The following BAZ2B variants were observed in gnomAD, a reference collection of about 807,000 sequenced individuals.
BAZ2B encodes bromodomain adjacent to zinc finger domain 2B.
BAZ2B carries 91 observed loss-of-function variants against 246.0 expected under a neutral mutation model. The observed-to-expected ratio is 0.37, with a 90% CI of 0.31 to 0.44. The LOEUF (loss-of-function observed/expected upper bound fraction) is 0.44, where lower values mean the gene tolerates loss of function less well. BAZ2B is among the 20% of genes least tolerant of loss of function. The pLI is 1.00. For missense variants in BAZ2B, 2,332 were observed against 2,533.7 expected (o/e 0.92, Z 1.71); for synonymous variants, 855 against 860.0 (o/e 0.99, Z 0.10).
At chr2:159,614,408 T>C (rs957823110) in intron 1 of BAZ2B, among the ~76,000 whole-genome samples, 3 of 152,198 alleles carry the variant, frequency 2.0e-5, no homozygotes, top group African/African-American at 7.2e-5. Flanking sequence ...GTATCCATTA[T>C]CTTAAGGTAT....
intron 2 of BAZ2B, among the ~76,000 whole-genome samples, chr2:159,509,783 ATGTATATATGTACATT>A (rs1354265436): frequency 1.3e-5 from 2 of 151,388 alleles, no homozygotes; most frequent in Middle Eastern, 3.2e-3. Context: ...GTACAAACAT[ATGTATATATGTACATT>A]TGTATATATG....
chr2:159,646,991 C>A, the BAZ2B span, among the ~76,000 whole-genome samples: 1 of 152,002 alleles, frequency 6.6e-6, no homozygotes, highest in Non-Finnish European at 1.5e-5. Flanking sequence ...TCCCTCTGAG[C>A]CCTCACCACA....
the BAZ2B span, among the ~76,000 whole-genome samples, chr2:159,629,065 AT>A: frequency 6.6e-6 from 1 of 152,234 alleles, no homozygotes; most frequent in Non-Finnish European, 1.5e-5. Flanking sequence ...AAACAAACAT[AT>A]GAAAAAAAGC....
In BAZ2B at chr2:159,383,467, T is replaced by C; in HGVS notation, c.3761+139A>G. The C allele has an allele frequency of 4.0e-6, 3 of 754,048 alleles. No homozygotes were observed. In the South Asian group the frequency reaches 5.2e-5, roughly 13 times the overall value. 46.7% of individuals were successfully genotyped at this position (754,048 alleles called of 1,614,324 possible). The stretch of plus-strand genomic sequence containing the variant: ...AAATTCTGCCCCTGAGTTTTATTAA[T>C]TTTATATCCCATCTAAATTGAGCAT... On this transcript the variant is annotated intron_variant, in intron 24 of 36. Transcript: ENST00000392783.
At chr2:159,469,591 A>G (rs1037271262) in intron 3 of BAZ2B, among the ~76,000 whole-genome samples, 4 of 152,006 alleles carry the variant, frequency 2.6e-5, no homozygotes, top group Admixed American at 2.0e-4. Context: ...GCCCGCCACC[A>G]TGCCTGGCTA....
At chr2:159,481,218 T>G (rs1036520154) in intron 2 of BAZ2B, among the ~76,000 whole-genome samples, 27 of 152,114 alleles carry the variant, frequency 1.8e-4, no homozygotes, top group African/African-American at 6.0e-4. Context: ...TCATCCCCTC[T>G]AAAGCACAAG....
chr2:159,524,266 A>T (rs1445866826), intron 2 of BAZ2B, among the ~76,000 whole-genome samples: 6 of 152,104 alleles, frequency 3.9e-5, no homozygotes, highest in South Asian at 4.1e-4. Flanking sequence ...CAAAAATTTT[A>T]AAAAATTAGC....
intron 1 of BAZ2B, among the ~76,000 whole-genome samples, chr2:159,579,491 G>A (rs955146911): frequency 6.6e-6 from 1 of 152,162 alleles, no homozygotes; most frequent in Admixed American, 6.5e-5. Flanking sequence ...AATTCTACCA[G>A]CGGTACAAAG....
chr2:159,578,007 A>G (rs538553403), intron 1 of BAZ2B, among the ~76,000 whole-genome samples: 5 of 152,218 alleles, frequency 3.3e-5, no homozygotes, highest in Non-Finnish European at 7.3e-5. Context: ...CTACCAAGAT[A>G]TCACCTGCTG....
chr2:159,490,022 T>C (rs2080268224), intron 2 of BAZ2B, among the ~76,000 whole-genome samples: 1 of 152,204 alleles, frequency 6.6e-6, no homozygotes. Context: ...GGAATTACAT[T>C]ATATTGGTTT....
chr2:159,391,411 G>A (rs77057867), intron 20 of BAZ2B, among the ~76,000 whole-genome samples: 9,332 of 152,156 alleles, frequency 0.061, 403 homozygotes, highest in Middle Eastern at 0.15. Context: ...TATTGTCATC[G>A]TTAAGTGACA....
chr2:159,365,301 G>T (rs528264043), intron 27 of BAZ2B, among the ~76,000 whole-genome samples: 2 of 152,210 alleles, frequency 1.3e-5, no homozygotes, highest in South Asian at 4.2e-4. Context: ...TTTTAACAAT[G>T]ACTTCTATAA....
intron 2 of BAZ2B, among the ~76,000 whole-genome samples, chr2:159,525,850 G>T (rs942781519): frequency 2.6e-5 from 4 of 152,158 alleles, no homozygotes. Context: ...TATTGGAGAT[G>T]ACCTTAAATA....
At chr2:159,347,218 G>A (rs561145863) in intron 31 of BAZ2B, among the ~76,000 whole-genome samples, 1 of 152,248 alleles carries the variant, frequency 6.6e-6, no homozygotes, top group African/African-American at 2.4e-5. Flanking sequence ...CATTAAGGAG[G>A]TAGCAAGATT....
chr2:159,454,844 T>G (rs1415590189), intron 3 of BAZ2B, among the ~76,000 whole-genome samples: 1 of 152,172 alleles, frequency 6.6e-6, no homozygotes, highest in Non-Finnish European at 1.5e-5. Context: ...TTCAAATGAG[T>G]CTGACATTTT....
At chr2:159,370,795 A>AGCAT (rs1217954056) in intron 27 of BAZ2B, among the ~76,000 whole-genome samples, 6 of 152,122 alleles carry the variant, frequency 3.9e-5, no homozygotes, top group African/African-American at 1.4e-4. Context: ...ATTTTAAAGT[A>AGCAT]TCATTCATTT....
chr2:159,645,838 G>T, the BAZ2B span, among the ~76,000 whole-genome samples: 18 of 152,068 alleles, frequency 1.2e-4, no homozygotes, highest in African/African-American at 4.1e-4. Flanking sequence ...TTGCAAAAGG[G>T]GAGGGAGTGT....
chr2:159,316,932 C>T (rs955969369), downstream of BAZ2B, among the ~76,000 whole-genome samples: 11 of 151,862 alleles, frequency 7.2e-5, no homozygotes, highest in South Asian at 2.1e-4. Context: ...ACCCGTGAGG[C>T]GGAGGTTGCA....
intron 1 of BAZ2B, among the ~76,000 whole-genome samples, chr2:159,569,169 A>C (rs953845365): frequency 6.6e-6 from 1 of 152,210 alleles, no homozygotes. Flanking sequence ...TGTTCTCAAA[A>C]CAACCAAAAA....
Sources: gnomAD v4.1 joint callset for allele counts (sites outside exome capture counted in the v4.1 genomes callset) on GRCh38, gnomAD v4.1.1 for gene constraint, MANE v1.5 for transcripts, NCBI Gene and HGNC (gene_info 2026-07-23, HGNC 2026-07-21) for gene names.